Variants in TBC1D32 observed in about 807,000 individuals in gnomAD.
TBC1D32 encodes the protein TBC1 domain family member 32, also known as protein broad-minded.
In TBC1D32, 151 loss-of-function variants were observed where a neutral mutation model predicts 170.3. The ratio of observed to expected loss-of-function variants is 0.89; its 90% CI spans 0.78 to 1.01. The LOEUF (loss-of-function observed/expected upper bound fraction) is 1.01, where lower values mean the gene tolerates loss of function less well. TBC1D32 is among the 50% of genes least tolerant of loss of function. TBC1D32 has a pLI of 0.00. For synonymous variants in TBC1D32, 498 were observed against 488.0 expected (o/e 1.02, Z -0.27); for missense variants, 1,464 against 1,457.1 (o/e 1.00, Z -0.08).
chr6:121,236,760 T>C (rs113462569), intron 20 of TBC1D32, among the ~76,000 whole-genome samples: 6 of 152,258 alleles, frequency 3.9e-5, no homozygotes, highest in African/African-American at 1.4e-4. Context: ...TATTGTGCCA[T>C]TTTATATAAA....
chr6:121,203,514 G>C (rs1440962233), intron 22 of TBC1D32, among the ~76,000 whole-genome samples: 1 of 151,352 alleles, frequency 6.6e-6, no homozygotes, highest in African/African-American at 2.5e-5. Context: ...AGATCAAGTA[G>C]ATATAAAGAA....
intron 21 of TBC1D32, among the ~76,000 whole-genome samples, chr6:121,206,573 T>C (rs1451456001): frequency 1.3e-5 from 2 of 152,158 alleles, no homozygotes; most frequent in African/African-American, 4.8e-5. Flanking sequence ...ACTAATCAGA[T>C]ACTGATCAAT....
chr6:121,332,050 A>G (rs1811291909), intron 1 of TBC1D32, among the ~76,000 whole-genome samples: 1 of 152,212 alleles, frequency 6.6e-6, no homozygotes. Flanking sequence ...TGTGCATGTC[A>G]TGCAACAAGC....
At chr6:121,295,396 T>C (rs1476866922) in intron 10 of TBC1D32, among the ~76,000 whole-genome samples, 2 of 151,688 alleles carry the variant, frequency 1.3e-5, no homozygotes, top group Non-Finnish European at 2.9e-5. Context: ...CAGAGGAGTT[T>C]GGTGAATAAA....
At chr6:121,174,434 C>T (rs768457835) in intron 22 of TBC1D32, among the ~76,000 whole-genome samples, 21 of 152,094 alleles carry the variant, frequency 1.4e-4, no homozygotes, top group Admixed American at 8.5e-4. Flanking sequence ...AGAGTCAGCA[C>T]GGAGACAGAA....
At chr6:121,321,492 G>T in intron 2 of TBC1D32, 141 bp downstream of exon 2, 1 of 755,370 alleles carries the variant, frequency 1.3e-6, no homozygotes, top group Non-Finnish European at 2.1e-6. Flanking sequence ...GGGTGAAAGG[G>T]TGTCATGATC....
chr6:121,243,678 T>C (rs1264505817), intron 17 of TBC1D32, among the ~76,000 whole-genome samples: 3 of 151,722 alleles, frequency 2.0e-5, no homozygotes, highest in African/African-American at 7.3e-5. Flanking sequence ...GACCCTGTAA[T>C]GGGTCACAAA....
At chr6:121,178,952 T>C (rs1023262412) in intron 22 of TBC1D32, among the ~76,000 whole-genome samples, 9 of 152,192 alleles carry the variant, frequency 5.9e-5, no homozygotes, top group Admixed American at 5.2e-4. Flanking sequence ...CATCTTGATT[T>C]CAGCCTTGTG....
In TBC1D32 at chr6:121,256,142, C is replaced by A; in HGVS notation, c.1877G>T (p.Gly626Val). The A allele has an allele frequency of 6.2e-7, 1 of 1,613,988 alleles. No individual in the cohort carries two copies. The highest frequency in any genetic ancestry group is 8.5e-7 in the Non-Finnish European group (1 of 1,179,968). ...ATTATAAGTGATTAACACCTGCAAA[C>A]CTTCACATGTACTATATATGTGACG... ...VCRHIYSTCE[G>V]LQVLITYNLH... The change falls in exon 16 of 32, where the codon GGT becomes GTT. Residue 626 changes from glycine (G) to valine (V), a missense_variant. Coordinates refer to ENST00000398212, the MANE Select transcript of TBC1D32 (RefSeq NM_152730.6).
chr6:121,264,125 GA>G (rs1024892647), intron 15 of TBC1D32, among the ~76,000 whole-genome samples: 1 of 151,492 alleles, frequency 6.6e-6, no homozygotes, highest in African/African-American at 2.4e-5. Flanking sequence ...AAACCCTTCA[GA>G]AAAAATCAAT....
At chr6:121,279,396 G>T in intron 14 of TBC1D32, 151 bp from the exon 15 acceptor site, 2 of 902,962 alleles carry the variant, frequency 2.2e-6, no homozygotes, top group South Asian at 1.8e-5. Flanking sequence ...GAAATAATAT[G>T]TCTGAAAAAA....
intron 15 of TBC1D32, among the ~76,000 whole-genome samples, chr6:121,273,498 G>T (rs183841152): frequency 2.6e-5 from 4 of 151,276 alleles, no homozygotes; most frequent in African/African-American, 9.7e-5. Flanking sequence ...CGTGGGGTTG[G>T]GGGGGTTAGG....
chr6:121,310,795 G>T lies in TBC1D32; in HGVS notation c.548C>A (p.Pro183His). The T allele has an allele frequency of 6.4e-7, 1 of 1,567,598 alleles. No individual in the cohort carries two copies. Among genetic ancestry groups the T allele is most frequent in the Non-Finnish European group, 8.7e-7 (1 of 1,151,834 alleles). ...GAAACTTACCTCTTTAGGTTGCCCAGGATCCAACTGGTCTAAAATCAATTG... is the reference window on the plus strand; with the variant it reads ...GAAACTTACCTCTTTAGGTTGCCCATGATCCAACTGGTCTAAAATCAATTG... The part of the protein sequence containing the change: ...KLQLILDQLD[P>H]GQPKEVRYEA... Residue 183 changes from proline to histidine, a missense_variant, in exon 4 of 32, where the codon CCT (proline) becomes CAT (histidine). Around this residue, in one of 3 missense-constraint regions of TBC1D32, gnomAD observed 1,363 missense variants for 1,338.1 expected, o/e 1.02. Transcript: ENST00000398212.
Position 121,131,759 on chromosome 6 carries a change from A to C in TBC1D32, c.2774-7T>G. On this transcript the variant is annotated splice_region_variant and splice_polypyrimidine_tract_variant and intron_variant, in intron 24 of 31. Coordinates refer to ENST00000398212, the MANE Select transcript of TBC1D32 (RefSeq NM_152730.6). ...AGCTTGTCAAGATCATTGTCTAATC[A>C]GAAAGATAACATACTATTATAATAA... The C allele has an allele frequency of 6.4e-7, 1 of 1,573,824 alleles. No individual in the cohort carries two copies. The highest frequency in any genetic ancestry group is 2.3e-5 in the East Asian group (1 of 44,426).
chr6:121,080,566 T>C lies in TBC1D32; in HGVS notation c.*205A>G, dbSNP rs1414465991. On this transcript the variant is annotated 3_prime_UTR_variant, in exon 32 of 32. Coordinates refer to ENST00000398212, the MANE Select transcript of TBC1D32 (RefSeq NM_152730.6). ...ACTAAAAGTAAGCTAGATCTGATTC[T>C]ATAATAACCTTACAAAACAACAAAT... 3.4e-6 allele frequency: 2 copies of C among 592,132 alleles called. No individual in the cohort carries two copies. Among genetic ancestry groups the C allele is most frequent in the Non-Finnish European group, 5.3e-6 (2 of 375,766 alleles). 36.7% of individuals were successfully genotyped at this position (592,132 alleles called of 1,614,324 possible). A position where few individuals can be genotyped will look rare whatever the true frequency, so the allele number is the denominator to read the frequency against.
At chr6:121,117,681 G>T (rs1276171189) in intron 26 of TBC1D32, among the ~76,000 whole-genome samples, 6 of 151,834 alleles carry the variant, frequency 4.0e-5, no homozygotes, top group Non-Finnish European at 8.8e-5. Flanking sequence ...CAGCCTGCGT[G>T]ACAGAGTGAG....
At position 121,080,818 on chromosome 6, in the gene TBC1D32, T is replaced by C. The variant is rs1327000463; in HGVS notation, c.3727A>G (p.Thr1243Ala). The C allele has an allele frequency of 6.2e-7, 1 of 1,613,958 alleles. No individual in the cohort carries two copies. Among genetic ancestry groups the C allele is most frequent in the Non-Finnish European group, 8.5e-7 (1 of 1,179,908 alleles). Residue 1243 changes from threonine to alanine, a missense_variant, in exon 32 of 32, where the codon ACA becomes GCA. Transcript: ENST00000398212. ...TTCCGCATGTCTCTCAGCAGCACTG[T>C]TCGGTAGTTTTGTTCCAAAATTTCC... is the stretch of plus-strand genomic sequence containing the variant. Reference protein sequence around the residue: ...YMEILEQNYRTVLLRDMRNIR... With the variant: ...YMEILEQNYRAVLLRDMRNIR...
Position 121,132,178 on chromosome 6 carries a change from TA to T in TBC1D32, c.2774-427del, listed in dbSNP as rs1449338984. Among the ~76,000 whole-genome samples the T allele has an allele frequency of 3.3e-5, 5 of 151,948 alleles. No individual in the cohort carries two copies. The South Asian group carries it at 1.0e-3, about 31-fold the overall frequency. On this transcript the variant is annotated intron_variant, in intron 24 of 31. Transcript: ENST00000398212. ...AAAAAGCAAAAAGAAAGCATAAGTG[TA>T]AAAAATCTTTAGTCAATCATTTATT...
At chr6:121,245,866 G>A (rs138093472) in intron 17 of TBC1D32, among the ~76,000 whole-genome samples, 32 of 152,214 alleles carry the variant, frequency 2.1e-4, no homozygotes, top group Middle Eastern at 3.4e-3. Flanking sequence ...GAACAGTTGT[G>A]AGGCTGTAAG....
Sources: allele counts gnomAD v4.1 joint callset (sites outside exome capture counted in the v4.1 genomes callset), GRCh38; gene constraint gnomAD v4.1.1; regional missense constraint gnomAD v4.1.1; transcripts MANE v1.5; gene names NCBI Gene and HGNC (gene_info 2026-07-23, HGNC 2026-07-21).